EPHA2: variants seen among roughly 807,000 people sequenced by gnomAD.
The protein encoded by EPHA2 is ephrin type-A receptor 2.
EPHA2 carries 54 observed loss-of-function variants against 104.9 expected under a neutral mutation model. The ratio of observed to expected loss-of-function variants is 0.51; its 90% CI spans 0.41 to 0.65. EPHA2 has a LOEUF of 0.65. Ranked by LOEUF, EPHA2 falls within the 30% of genes least tolerant of loss-of-function variation. The pLI is 0.00. For missense variants in EPHA2, 1,117 were observed against 1,369.5 expected, an observed-to-expected ratio of 0.82 and a Z score of 2.91; for synonymous variants, 560 against 559.1, an observed-to-expected ratio of 1.00 and a Z score of -0.02.
At chr1:16,141,517 C>T (rs2024824158) in intron 3 of EPHA2, among the ~76,000 whole-genome samples, 1 of 152,270 alleles carries the variant, frequency 6.6e-6, no homozygotes, top group Admixed American at 6.5e-5. Context: ...GAGGAGACTT[C>T]ACCTGGCTCA....
chr1:16,141,671 A>C (rs1430816186), intron 3 of EPHA2, among the ~76,000 whole-genome samples: 1 of 152,216 alleles, frequency 6.6e-6, no homozygotes, highest in East Asian at 1.9e-4. Context: ...GCAAACCCTC[A>C]CAATGCCCCG....
Position 16,134,603 on chromosome 1 carries a change from C to T in EPHA2, c.1583-36G>A, listed in dbSNP as rs1327374656. 5 of 1,606,888 alleles carry T rather than the reference C, an allele frequency of 3.1e-6. No individual in the cohort carries two copies. The highest frequency in any genetic ancestry group is 4.3e-6 in the Non-Finnish European group (5 of 1,175,104). On this transcript the variant is annotated intron_variant, in intron 7 of 16. Transcript: ENST00000358432. This position sits in a 1 kb window ranked among gnomAD's most constrained non-coding sequence, Gnocchi z 4.5. ...AAATCAGCTGATGACAAGGGAGTTC[C>T]CCCACAAATTACAGCAACACCCGCG... is the stretch of plus-strand genomic sequence containing the variant.
Position 16,132,234 on chromosome 1 carries a change from T to C in EPHA2, c.2155A>G (p.Met719Val), listed in dbSNP as rs775040710. 6.2e-7 allele frequency: 1 copy of C among 1,614,188 alleles called. No individual in the cohort carries two copies. The highest frequency in any genetic ancestry group is 1.6e-4 in the Middle Eastern group (1 of 6,062). ...GEFSVLQLVGMLRGIAAGMKY... is the reference protein window; with the variant it reads ...GEFSVLQLVGVLRGIAAGMKY... Reference sequence around the variant, plus strand: ...ATGCCAGCTGCGATGCCCCGCAGCATGCCCACCAGCTGCAGCACGCTGAAC... The same window carrying C: ...ATGCCAGCTGCGATGCCCCGCAGCACGCCCACCAGCTGCAGCACGCTGAAC... Residue 719 changes from methionine (M) to valine (V), a missense_variant, in exon 13 of 17, where the codon ATG (methionine) becomes GTG (valine). Met to Val is a conservative substitution (Grantham distance 21). Around this residue, in one of 3 missense-constraint regions of EPHA2, gnomAD observed 340 missense variants for 480.5 expected, o/e 0.71. Coordinates refer to ENST00000358432, the MANE Select transcript of EPHA2 (RefSeq NM_004431.5).
rs140956748 is a variant in EPHA2, at chr1:16,124,860, T to C, written c.*355A>G. 4.0e-3 allele frequency: 1,152 copies of C among 286,008 alleles called. 7 individuals carry two copies. The highest frequency in any genetic ancestry group is 7.7e-3 in the Middle Eastern group (6 of 778). The allele number at this position is 286,008 out of a possible 1,614,324, so 17.7% of individuals were successfully genotyped here. A position where few individuals can be genotyped will look rare whatever the true frequency, so the allele number is the denominator to read the frequency against. On this transcript the variant is annotated 3_prime_UTR_variant, in exon 17 of 17. Transcript: ENST00000358432. ...ACTTGGCGCTGGGCCAAGCCCTCCA[T>C]CTCCTGAGATGGCCTCATGTGGGAG...
intron 3 of EPHA2, among the ~76,000 whole-genome samples, chr1:16,139,330 G>A (rs867280726): frequency 8.5e-5 from 13 of 152,222 alleles, no homozygotes; most frequent in African/African-American, 3.1e-4. Context: ...GTGGGTAGAG[G>A]TCACCCTAGG....
chr1:16,153,355 G>A (rs890711125), intron 1 of EPHA2: 3 of 982,456 alleles, frequency 3.1e-6, no homozygotes, highest in African/African-American at 3.5e-5. Context: ...CAGGGAGGTG[G>A]GGACTCTGGG....
chr1:16,138,487 C>G, intron 3 of EPHA2, 57 bp from the exon 4 acceptor site: 2 of 1,610,602 alleles, frequency 1.2e-6, no homozygotes, highest in Non-Finnish European at 1.7e-6. Flanking sequence ...GCTTCCACCC[C>G]ACGTGACTGT....
chr1:16,142,984 A>AATGG (rs549081543), intron 3 of EPHA2, among the ~76,000 whole-genome samples: 1,786 of 73,932 alleles, frequency 0.024, 59 homozygotes, highest in African/African-American at 0.066. Context: ...TGGAGGGATG[A>AATGG]ATGGATGGAT....
chr1:16,148,745 G>T lies in EPHA2; in HGVS notation c.456C>A (p.Val152=), dbSNP rs1202665201. 1 of 1,613,904 alleles carries T rather than the reference G, an allele frequency of 6.2e-7. No individual in the cohort carries two copies. Among genetic ancestry groups the T allele is most frequent in the African/African-American group, 1.3e-5 (1 of 74,960 alleles). The change falls in exon 3 of 17, where the codon GTC becomes GTA. Residue 152 remains valine, a synonymous_variant. Transcript: ENST00000358432. This position sits in a 1 kb window ranked among gnomAD's most constrained non-coding sequence, Gnocchi z 4.9. The stretch of plus-strand genomic sequence containing the variant: ...CGTGGCGTGCCTCGAAGTCGCTGCT[G>T]ACGGTGATCTCATCGGGCGCAATGG... ...IDTIAPDEIT[V]SSDFEARHVK...
Position 16,148,521 on chromosome 1 carries a change from G to A in EPHA2, c.680C>T (p.Ala227Val), listed in dbSNP as rs2124261167. The A allele has an allele frequency of 6.2e-7, 1 of 1,613,564 alleles. No homozygotes were observed. Among genetic ancestry groups the A allele is most frequent in the East Asian group, 2.2e-5 (1 of 44,886 alleles). ...CACGGCATGGTCCACACAGGTGCCG[G>A]CCACAGTGGCCAGGGAAGGTGCATC... ...GSDAPSLATV[A>V]GTCVDHAVVP... is the part of the protein sequence containing the mutation. The change falls in exon 3 of 17, where the codon GCC becomes GTC. Residue 227 changes from alanine (A) to valine (V), a missense_variant. Coordinates refer to ENST00000358432, the MANE Select transcript of EPHA2 (RefSeq NM_004431.5). This position sits in a 1 kb window ranked among gnomAD's most constrained non-coding sequence, Gnocchi z 4.9.
At position 16,131,799 on chromosome 1, in the gene EPHA2, G is replaced by A. The variant is rs199875761; in HGVS notation, c.2397C>T (p.Asp799=). ...ACATGACAATGCCAAAGCTCCACAC[G>A]TCGCTGGCAGAGGTGAACTTCCGGT... ...ISYRKFTSAS[D]VWSFGIVMWE... The change falls in exon 14 of 17, where the codon GAC becomes GAT. Residue 799 remains aspartate (D), a synonymous_variant. Transcript: ENST00000358432. This position sits in a 1 kb window ranked among gnomAD's most constrained non-coding sequence, Gnocchi z 5.2. 32 of 1,613,972 alleles carry A rather than the reference G, an allele frequency of 2.0e-5. No individual in the cohort carries two copies. Among genetic ancestry groups the A allele is most frequent in the Middle Eastern group, 1.6e-4 (1 of 6,084 alleles).
Position 16,148,580 on chromosome 1 carries a change from G to T in EPHA2, c.621C>A (p.Gly207=). The part of the protein sequence containing the change: ...YYKKCPELLQ[G]LAHFPETIAG... ...CGATGGTCTCAGGGAAGTGGGCCAG[G>T]CCCTGCAGCAGCTCGGGGCACTTCT... The change falls in exon 3 of 17, where the codon GGC becomes GGA. Residue 207 remains glycine, a synonymous_variant. Transcript: ENST00000358432. The surrounding 1 kb of genome is among the most constrained non-coding windows in gnomAD (Gnocchi z 4.9). 6.2e-7 allele frequency: 1 copy of T among 1,611,540 alleles called. No individual in the cohort carries two copies.
chr1:16,152,966 C>T (rs1047470073), intron 1 of EPHA2, among the ~76,000 whole-genome samples: 1 of 152,128 alleles, frequency 6.6e-6, no homozygotes, highest in Admixed American at 6.5e-5. Context: ...GACGCGGGCG[C>T]GGCTCTTTCC....
chr1:16,154,160 G>T (rs1385964150), intron 1 of EPHA2, among the ~76,000 whole-genome samples: 3 of 152,078 alleles, frequency 2.0e-5, no homozygotes, highest in Non-Finnish European at 4.4e-5. Context: ...CCCATGGGCA[G>T]CCGAGGAGAA....
At chr1:16,139,992 C>T (rs1471392462) in intron 3 of EPHA2, among the ~76,000 whole-genome samples, 1 of 152,206 alleles carries the variant, frequency 6.6e-6, no homozygotes, top group African/African-American at 2.4e-5. Flanking sequence ...ATTTCAAGTG[C>T]CCTGACCCAA....
At chr1:16,140,628 T>C (rs778684258) in intron 3 of EPHA2, among the ~76,000 whole-genome samples, 4 of 152,158 alleles carry the variant, frequency 2.6e-5, no homozygotes, top group Non-Finnish European at 5.9e-5. Flanking sequence ...ATTTATTTAT[T>C]TTGTTTTTGA....
chr1:16,136,412 G>A (rs2024685200), intron 5 of EPHA2, among the ~76,000 whole-genome samples: 1 of 151,262 alleles, frequency 6.6e-6, no homozygotes, highest in Admixed American at 6.6e-5. Flanking sequence ...CTGAGGTTGG[G>A]AGTTCGAGAC....
Position 16,129,536 on chromosome 1 carries a change from G to A in EPHA2, c.2723C>T (p.Thr908Met), listed in dbSNP as rs140958128. 90 of 1,613,216 alleles carry A rather than the reference G, an allele frequency of 5.6e-5. No homozygotes were observed. The highest frequency in any genetic ancestry group is 1.6e-4 in the African/African-American group (12 of 74,900). Reference protein sequence around the residue: ...TSGSEGVPFRTVSEWLESIKM... With the variant: ...TSGSEGVPFRMVSEWLESIKM... ...GATGGACTCCAGCCACTCGGACACC[G>A]TGCGGAAGGGCACCCCCTCCGAGCC... Residue 908 changes from threonine to methionine, a missense_variant, in exon 16 of 17, where the codon ACG becomes ATG. Transcript: ENST00000358432.
Position 16,134,423 on chromosome 1 carries a change from TC to T in EPHA2, c.1682+44del. 1 of 1,597,734 alleles carries T rather than the reference TC, an allele frequency of 6.3e-7. No individual in the cohort carries two copies. ...GGAAATGGAGGTTCCTGCCCCATTT[TC>T]CCACCCAAGCCCATGTGGAGCCAGG... On this transcript the variant is annotated intron_variant, in intron 8 of 16. Coordinates refer to ENST00000358432, the MANE Select transcript of EPHA2 (RefSeq NM_004431.5). This position sits in a 1 kb window ranked among gnomAD's most constrained non-coding sequence, Gnocchi z 4.5.
Sources: gnomAD v4.1 joint callset for allele counts (sites outside exome capture counted in the v4.1 genomes callset) on GRCh38, gnomAD v4.1.1 for gene constraint, gnomAD v4.1.1 regional missense constraint, Gnocchi (gnomAD v3.1) non-coding constraint, MANE v1.5 for transcripts, NCBI Gene and HGNC (gene_info 2026-07-23, HGNC 2026-07-21) for gene names.